CHRM3: variants seen among roughly 807,000 people sequenced by gnomAD.
CHRM3 encodes muscarinic acetylcholine receptor M3.
Under a neutral mutation model 41.8 loss-of-function variants are expected in CHRM3, and 11 were observed. The ratio of observed to expected loss-of-function variants is 0.26; its 90% CI spans 0.17 to 0.44. The LOEUF (loss-of-function observed/expected upper bound fraction) is 0.44. CHRM3 is among the 20% of genes least tolerant of loss of function. The pLI, the probability that CHRM3 is intolerant of heterozygous loss-of-function variation, is 1.00. For synonymous variants in CHRM3, 297 were observed against 301.4 expected, an observed-to-expected ratio of 0.99 and a Z score of 0.15; for missense variants, 571 against 745.4, an observed-to-expected ratio of 0.77 and a Z score of 2.72.
At chr1:239,686,519 A>C (rs376183712) in intron 5 of CHRM3, among the ~76,000 whole-genome samples, 1 of 152,102 alleles carries the variant, frequency 6.6e-6, no homozygotes, top group African/African-American at 2.4e-5. Flanking sequence ...CAGAGTTAAA[A>C]GTTCTCCATG....
intron 5 of CHRM3, among the ~76,000 whole-genome samples, chr1:239,715,004 A>T (rs1662193604): frequency 6.6e-6 from 1 of 152,116 alleles, no homozygotes; most frequent in Non-Finnish European, 1.5e-5. Flanking sequence ...AAAAGAAAAG[A>T]CCATGGAGGT....
At chr1:239,643,741 C>T (rs1671463479) in intron 4 of CHRM3, among the ~76,000 whole-genome samples, 1 of 152,210 alleles carries the variant, frequency 6.6e-6, no homozygotes, top group African/African-American at 2.4e-5. Flanking sequence ...AATGCCTCAA[C>T]CTGCTTTGGC....
At chr1:239,653,083 A>G (rs140160971) in intron 4 of CHRM3, among the ~76,000 whole-genome samples, 1 of 152,324 alleles carries the variant, frequency 6.6e-6, no homozygotes, top group African/African-American at 2.4e-5. Context: ...TTATTGAGGA[A>G]CTATTACAAT....
At chr1:239,471,783 G>A (rs1666137833) in intron 1 of CHRM3, among the ~76,000 whole-genome samples, 1 of 152,132 alleles carries the variant, frequency 6.6e-6, no homozygotes, top group Non-Finnish European at 1.5e-5. Context: ...TGAGGTCTGA[G>A]GTCTTGACTT....
At chr1:239,529,617 A>T (rs1670234357) in intron 2 of CHRM3, among the ~76,000 whole-genome samples, 1 of 78,706 alleles carries the variant, frequency 1.3e-5, no homozygotes, top group African/African-American at 3.4e-5. Flanking sequence ...CTCAAAAAAA[A>T]AAAAAAAAAA....
At chr1:239,541,701 C>T (rs114386036) in intron 2 of CHRM3, among the ~76,000 whole-genome samples, 4,613 of 151,950 alleles carry the variant, frequency 0.03, 256 homozygotes, top group African/African-American at 0.1. Flanking sequence ...TTTGTAGAGA[C>T]GGGGTTTCAC....
chr1:239,458,760 G>A (rs1665145090), intron 1 of CHRM3, among the ~76,000 whole-genome samples: 1 of 152,102 alleles, frequency 6.6e-6, no homozygotes, highest in South Asian at 2.1e-4. Flanking sequence ...CACTGCATAA[G>A]ATCCTCATCA....
intron 5 of CHRM3, among the ~76,000 whole-genome samples, chr1:239,809,947 T>C (rs966141892): frequency 6.6e-6 from 1 of 152,228 alleles, no homozygotes; most frequent in Non-Finnish European, 1.5e-5. Context: ...TAGCAGGTAG[T>C]GTCTGCTCGA....
intron 6 of CHRM3, among the ~76,000 whole-genome samples, chr1:239,872,421 A>G (rs189211307): frequency 6.6e-6 from 1 of 152,294 alleles, no homozygotes; most frequent in Admixed American, 6.5e-5. Flanking sequence ...TAGACCAGAA[A>G]GAGGAGTAGC....
intron 1 of CHRM3, among the ~76,000 whole-genome samples, chr1:239,463,519 T>A (rs1453045640): frequency 1.3e-5 from 2 of 152,190 alleles, no homozygotes; most frequent in Non-Finnish European, 1.5e-5. Flanking sequence ...GCTGTCTTGA[T>A]CTTTTTTATT....
chr1:239,851,477 C>A (rs531189542), intron 6 of CHRM3, among the ~76,000 whole-genome samples: 4 of 152,286 alleles, frequency 2.6e-5, no homozygotes, highest in Admixed American at 6.5e-5. Context: ...CAGTGTTTAT[C>A]ACCCTCACTT....
At chr1:239,753,184 C>A (rs1180936137) in intron 5 of CHRM3, among the ~76,000 whole-genome samples, 1 of 152,046 alleles carries the variant, frequency 6.6e-6, no homozygotes, top group Admixed American at 6.6e-5. Context: ...GACTTCAGGT[C>A]AAACGTATAG....
intron 1 of CHRM3, among the ~76,000 whole-genome samples, chr1:239,489,318 A>G (rs1490030674): frequency 6.6e-6 from 1 of 152,110 alleles, no homozygotes; most frequent in Non-Finnish European, 1.5e-5. Flanking sequence ...AGGCTGAGGC[A>G]GGAGAATCGC....
chr1:239,537,012 C>CT (rs1658266750), intron 2 of CHRM3, among the ~76,000 whole-genome samples: 1 of 151,928 alleles, frequency 6.6e-6, no homozygotes, highest in Non-Finnish European at 1.5e-5. Flanking sequence ...TTAAGTGTCA[C>CT]TTTTTTGGTC....
At chr1:239,839,767 C>G (rs1275774205) in intron 6 of CHRM3, among the ~76,000 whole-genome samples, 9 of 146,242 alleles carry the variant, frequency 6.2e-5, no homozygotes, top group Non-Finnish European at 1.1e-4. Context: ...CCATGAATGT[C>G]TGGGACATTT....
intron 5 of CHRM3, among the ~76,000 whole-genome samples, chr1:239,814,086 G>C (rs1051970452): frequency 8.6e-5 from 13 of 151,990 alleles, no homozygotes; most frequent in Non-Finnish European, 1.8e-4. Context: ...AGTCTCAGAA[G>C]GCCAATTTAG....
intron 6 of CHRM3, among the ~76,000 whole-genome samples, chr1:239,835,967 CTTCTT>C (rs1407752532): frequency 6.6e-6 from 1 of 152,238 alleles, no homozygotes; most frequent in African/African-American, 2.4e-5. Context: ...GTCCTTGCCG[CTTCTT>C]TTGAGACGAT....
rs187488488 is a variant in CHRM3 at position 239,910,767 on chromosome 1, G to A, written c.*1543G>A. 2.4e-3 allele frequency: 396 copies of A among 166,754 alleles called. 2 individuals are homozygous for A. Among genetic ancestry groups the A allele is most frequent in the Non-Finnish European group, 4.5e-3 (307 of 68,044 alleles). 10.3% of individuals were successfully genotyped at this position (166,754 alleles called of 1,614,324 possible). The stretch of plus-strand genomic sequence containing the variant: ...GGGAGGGGAGGGAGGTGGGAGGGCC[G>A]CGGAGATATCTTCCCTTTGTACAGG... On this transcript the variant is annotated 3_prime_UTR_variant, in exon 7 of 7. Coordinates refer to ENST00000676153, the MANE Select transcript of CHRM3 (RefSeq NM_001375978.1).
At chr1:239,459,270 G>GA (rs199536234) in intron 1 of CHRM3, among the ~76,000 whole-genome samples, 4 of 151,388 alleles carry the variant, frequency 2.6e-5, no homozygotes, top group African/African-American at 7.3e-5. Flanking sequence ...TTAAAGCCAA[G>GA]AAAAAAAACA....
Sources: gnomAD v4.1 joint callset for allele counts (sites outside exome capture counted in the v4.1 genomes callset) on GRCh38, gnomAD v4.1.1 for gene constraint, MANE v1.5 for transcripts, NCBI Gene and HGNC (gene_info 2026-07-23, HGNC 2026-07-21) for gene names.